The following TNFAIP8 variants were observed in gnomAD, a reference collection of about 807,000 sequenced individuals.
TNFAIP8 encodes TNF alpha induced protein 8, also known as tumor necrosis factor alpha-induced protein 8.
Under a neutral mutation model 13.3 loss-of-function variants are expected in TNFAIP8, and 7 were observed. The ratio of observed to expected loss-of-function variants is 0.52; its 90% CI spans 0.30 to 0.99. TNFAIP8 has a LOEUF of 0.99. TNFAIP8 is among the 50% of genes least tolerant of loss of function. The pLI is 0.07. For synonymous variants in TNFAIP8, 94 were observed against 87.6 expected, an observed-to-expected ratio of 1.07 and a Z score of -0.41; for missense variants, 258 against 236.9, an observed-to-expected ratio of 1.09 and a Z score of -0.58.
At chr5:119,351,392 A>G (rs1751137155), upstream of TNFAIP8, among the ~76,000 whole-genome samples, 1 of 129,934 alleles carries the variant, frequency 7.7e-6, no homozygotes, top group Non-Finnish European at 1.6e-5. Flanking sequence ...GAACACCCAT[A>G]CAACCATTCT....
chr5:119,391,235 C>A, intron 1 of TNFAIP8: 1 of 545,104 alleles, frequency 1.8e-6, no homozygotes, highest in East Asian at 3.1e-5. Flanking sequence ...CTTTTTGCTT[C>A]CTAATGATGC....
chr5:119,395,897 G>T lies in TNFAIP8; in HGVS notation c.*2516G>T, dbSNP rs899230891. The T allele has an allele frequency of 6.6e-6, 1 of 151,236 alleles. No individual in the cohort carries two copies. Among genetic ancestry groups the T allele is most frequent in the Non-Finnish European group, 1.5e-5 (1 of 68,004 alleles). The allele number at this position is 151,236 out of a possible 1,614,324, so 9.4% of individuals were successfully genotyped here. A position where few individuals can be genotyped will look rare whatever the true frequency, so the allele number is the denominator to read the frequency against. On this transcript the variant is annotated 3_prime_UTR_variant, in exon 2 of 2. Coordinates refer to ENST00000504771, the MANE Select transcript of TNFAIP8 (RefSeq NM_014350.4). ...ATCTGTTCACGTTTTGAAAAAAATT[G>T]TGTTGTAATTGATTTTATTTTGTGC...
At chr5:119,373,974 C>G (rs367651459) in intron 1 of TNFAIP8, among the ~76,000 whole-genome samples, 1 of 151,906 alleles carries the variant, frequency 6.6e-6, no homozygotes, top group Non-Finnish European at 1.5e-5. Flanking sequence ...GTTTTTTTTC[C>G]TCATTGAATT....
At chr5:119,348,301 T>C (rs895283142) in intron 1 of TNFAIP8, among the ~76,000 whole-genome samples, 4 of 152,338 alleles carry the variant, frequency 2.6e-5, no homozygotes, top group Admixed American at 1.3e-4. Context: ...CACTAGGTTG[T>C]TGAAAATAAA....
chr5:119,308,305 T>G (rs548170928), intron 1 of TNFAIP8, among the ~76,000 whole-genome samples: 1 of 152,160 alleles, frequency 6.6e-6, no homozygotes, highest in Non-Finnish European at 1.5e-5. Flanking sequence ...GGCTTGGTGT[T>G]GGCAAGTTTT....
chr5:119,328,891 T>C (rs930666422), intron 1 of TNFAIP8, among the ~76,000 whole-genome samples: 1 of 152,258 alleles, frequency 6.6e-6, no homozygotes, highest in South Asian at 2.1e-4. Flanking sequence ...CAGGCCTCTG[T>C]TTATATTCAG....
chr5:119,308,485 T>G (rs1313384850), intron 1 of TNFAIP8, among the ~76,000 whole-genome samples: 1 of 151,844 alleles, frequency 6.6e-6, no homozygotes, highest in East Asian at 1.9e-4. Flanking sequence ...AGGTTTCCAT[T>G]GCATCAGGGT....
chr5:119,293,736 G>A (rs1318297328), intron 1 of TNFAIP8, among the ~76,000 whole-genome samples: 1 of 152,172 alleles, frequency 6.6e-6, no homozygotes, highest in Admixed American at 6.5e-5. Flanking sequence ...GAAGAGTCAA[G>A]GGGTAGAGAG....
intron 1 of TNFAIP8, among the ~76,000 whole-genome samples, chr5:119,329,271 A>G (rs562799011): frequency 1.6e-4 from 25 of 152,356 alleles, no homozygotes; most frequent in Non-Finnish European, 3.4e-4. Context: ...TTCTAACAAC[A>G]TTTTTACACA....
chr5:119,279,762 G>T (rs888362806), intron 1 of TNFAIP8, among the ~76,000 whole-genome samples: 11 of 152,100 alleles, frequency 7.2e-5, no homozygotes, highest in African/African-American at 2.4e-4. Flanking sequence ...AAGTCATTTT[G>T]AATTGAGATT....
At chr5:119,270,869 C>G (rs575233862) in intron 1 of TNFAIP8, among the ~76,000 whole-genome samples, 1 of 151,988 alleles carries the variant, frequency 6.6e-6, no homozygotes, top group African/African-American at 2.4e-5. Flanking sequence ...AAGGTTCTAC[C>G]AAAAGCATAG....
chr5:119,316,522 A>G (rs1245017369), intron 1 of TNFAIP8, among the ~76,000 whole-genome samples: 1 of 152,106 alleles, frequency 6.6e-6, no homozygotes, highest in Non-Finnish European at 1.5e-5. Flanking sequence ...AGAAGACCCT[A>G]GTGTGGAGAG....
intron 1 of TNFAIP8, chr5:119,333,142 C>T (rs1344012188): frequency 9.0e-5 from 83 of 923,900 alleles, no homozygotes; most frequent in Non-Finnish European, 1.0e-4. Flanking sequence ...TATTTTCTAG[C>T]ATGTTGAAAC....
At chr5:119,287,865 A>T (rs1748851228) in intron 1 of TNFAIP8, among the ~76,000 whole-genome samples, 1 of 152,158 alleles carries the variant, frequency 6.6e-6, no homozygotes, top group Non-Finnish European at 1.5e-5. Context: ...CCATGCAGGG[A>T]TTAAACTTGA....
chr5:119,288,565 T>G (rs1190143817), intron 1 of TNFAIP8, among the ~76,000 whole-genome samples: 1 of 152,246 alleles, frequency 6.6e-6, no homozygotes, highest in African/African-American at 2.4e-5. Context: ...GCAATGGCTC[T>G]TTATTTAGAA....
At chr5:119,295,210 TAAC>T in intron 1 of TNFAIP8, among the ~76,000 whole-genome samples, 1 of 50,342 alleles carries the variant, frequency 2.0e-5, no homozygotes, top group Admixed American at 1.5e-4. Context: ...CCTATAGGTC[TAAC>T]GTTTAGTCTA....
chr5:119,392,890 A>G lies in TNFAIP8; in HGVS notation c.106A>G (p.Lys36Glu). 1 of 1,584,464 alleles carries G rather than the reference A, an allele frequency of 6.3e-7. No individual in the cohort carries two copies. Among genetic ancestry groups the G allele is most frequent in the Non-Finnish European group, 8.6e-7 (1 of 1,165,148 alleles). ...GAAGATCTTGGGTAAAATGGTGTCCAAATCCATCGCCACCACCTTAATAGA... is the reference window on the plus strand; with the variant it reads ...GAAGATCTTGGGTAAAATGGTGTCCGAATCCATCGCCACCACCTTAATAGA... ...QKKILGKMVS[K>E]SIATTLIDDT... Residue 36 changes from lysine to glutamate, a missense_variant, in exon 2 of 2, where the codon AAA becomes GAA. Transcript: ENST00000504771.
intron 1 of TNFAIP8, among the ~76,000 whole-genome samples, chr5:119,347,220 G>C (rs1000494714): frequency 6.6e-6 from 1 of 152,210 alleles, no homozygotes; most frequent in Non-Finnish European, 1.5e-5. Flanking sequence ...ACTAGAGGGA[G>C]AAGAGGGAAC....
intron 1 of TNFAIP8, among the ~76,000 whole-genome samples, chr5:119,288,067 C>A (rs1748858792): frequency 6.6e-6 from 1 of 152,034 alleles, no homozygotes; most frequent in Non-Finnish European, 1.5e-5. Context: ...CAACTCCCAG[C>A]AAAAGTAAAG....
Sources: gnomAD v4.1 joint callset for allele counts (sites outside exome capture counted in the v4.1 genomes callset) on GRCh38, gnomAD v4.1.1 for gene constraint, MANE v1.5 for transcripts, NCBI Gene and HGNC (gene_info 2026-07-23, HGNC 2026-07-21) for gene names.